The following TBC1D16 variants were observed in gnomAD, a reference collection of about 807,000 sequenced individuals.
TBC1D16 encodes TBC1 domain family member 16.
TBC1D16 carries 58 observed loss-of-function variants against 74.7 expected under a neutral mutation model. That is an observed-to-expected ratio of 0.78 (90% CI 0.63 to 0.97). The LOEUF (loss-of-function observed/expected upper bound fraction) is 0.97. Ranked by LOEUF, TBC1D16 falls within the 50% of genes least tolerant of loss-of-function variation. The probability of loss-of-function intolerance (pLI) is 0.00; values close to 1 mark genes in which losing one functional copy is unlikely to be tolerated. For synonymous variants in TBC1D16, 493 were observed against 474.7 expected, an observed-to-expected ratio of 1.04 and a Z score of -0.50; for missense variants, 1,014 against 1,079.5, an observed-to-expected ratio of 0.94 and a Z score of 0.85.
At chr17:80,016,863 C>T (rs889775724) in intron 1 of TBC1D16, among the ~76,000 whole-genome samples, 6 of 152,222 alleles carry the variant, frequency 3.9e-5, no homozygotes, top group Non-Finnish European at 7.3e-5. Flanking sequence ...CCAGCCAGCC[C>T]AGGAGTGGCC....
Position 79,986,773 on chromosome 17 carries a change from G to T in TBC1D16, c.779+23387C>A, listed in dbSNP as rs1474020070. Among the ~76,000 whole-genome samples, 13 of 152,180 alleles carry T rather than the reference G, an allele frequency of 8.5e-5. No homozygotes were observed. Among genetic ancestry groups the T allele is most frequent in the Admixed American group, 8.5e-4 (13 of 15,276 alleles). On this transcript the variant is annotated intron_variant, in intron 3 of 11. Coordinates refer to ENST00000310924, the MANE Select transcript of TBC1D16 (RefSeq NM_019020.4). The surrounding 1 kb of genome is among the most constrained non-coding windows in gnomAD (Gnocchi z 6.0). ...CTCTACACACCCGGCCCTCCTCAGA[G>T]CCTCAGCCCGCAGCGGGAGATGACA...
At chr17:79,957,002 G>C (rs1226157511) in intron 3 of TBC1D16, among the ~76,000 whole-genome samples, 2 of 152,180 alleles carry the variant, frequency 1.3e-5, no homozygotes, top group African/African-American at 4.8e-5. Context: ...CCCTCCAGGG[G>C]ACCAGTCTTC....
At chr17:79,970,054 C>G (rs1403182556) in intron 3 of TBC1D16, among the ~76,000 whole-genome samples, 1 of 152,096 alleles carries the variant, frequency 6.6e-6, no homozygotes, top group Non-Finnish European at 1.5e-5. Context: ...CAACTGATGA[C>G]CAGATAAGGA....
intron 8 of TBC1D16, 140 bp from the exon 9 acceptor site, chr17:79,947,971 A>C: frequency 1.4e-6 from 1 of 701,618 alleles, no homozygotes; most frequent in Non-Finnish European, 2.4e-6. Context: ...CCACCATCTC[A>C]GAGCCCAAGC....
chr17:79,999,270 T>G (rs1359839299), intron 3 of TBC1D16, among the ~76,000 whole-genome samples: 3 of 150,610 alleles, frequency 2.0e-5, no homozygotes, highest in Non-Finnish European at 4.4e-5. Context: ...AAAAAAAAAA[T>G]TAATGGAACA....
intron 3 of TBC1D16, among the ~76,000 whole-genome samples, chr17:80,002,793 G>A (rs1226408443): frequency 6.6e-6 from 1 of 152,230 alleles, no homozygotes; most frequent in African/African-American, 2.4e-5. Context: ...AGGGCGTGGT[G>A]GCCACACACA....
Position 79,950,511 on chromosome 17 carries a change from G to A in TBC1D16, c.1157C>T (p.Thr386Met), listed in dbSNP as rs1347062182. 14 of 1,613,438 alleles carry A rather than the reference G, an allele frequency of 8.7e-6. No homozygotes were observed. Among genetic ancestry groups the A allele is most frequent in the Non-Finnish European group, 1.1e-5 (13 of 1,179,930 alleles). ...CTTGTACATGCTCTCCTCGGGGTGC[G>A]TCTCGGAGGACGGCAGCTTGGGGCG... ...IRRPKLPSSE[T>M]HPEESMYKRL... is the part of the protein sequence containing the mutation. The change falls in exon 6 of 12, where the codon ACG becomes ATG. Residue 386 changes from threonine (T) to methionine (M), a missense_variant. Physicochemically the swap from Thr to Met is moderately conservative, Grantham distance 81. Coordinates refer to ENST00000310924, the MANE Select transcript of TBC1D16 (RefSeq NM_019020.4). The surrounding 1 kb of genome is among the most constrained non-coding windows in gnomAD (Gnocchi z 4.6).
At chr17:79,991,870 T>TCTTCACAGAGGCTC (rs2035075724) in intron 3 of TBC1D16, 1 of 133,760 alleles carries the variant, frequency 7.5e-6, no homozygotes. Flanking sequence ...GGTGCCGCCA[T>TCTTCACAGAGGCTC]CTTCACAGAG....
rs2033328472 is a variant in TBC1D16 at position 79,956,221 on chromosome 17, C to T, written c.780-3403G>A. ...CAGCCTGTCCCAGCCCAGCCCAAAC[C>T]AAAGGTCTGTGAGCAAAGAAGCGGT... is the stretch of plus-strand genomic sequence containing the variant. On this transcript the variant is annotated intron_variant, in intron 3 of 11. Transcript: ENST00000310924. This position sits in a 1 kb window ranked among gnomAD's most constrained non-coding sequence, Gnocchi z 4.0. Among the ~76,000 whole-genome samples, 1 of 152,192 alleles carries T rather than the reference C, an allele frequency of 6.6e-6. No individual in the cohort carries two copies.
At position 79,950,389 on chromosome 17, in the gene TBC1D16, G is replaced by T. The variant is rs1225050307; in HGVS notation, c.1257+22C>A. The T allele has an allele frequency of 6.3e-7, 1 of 1,583,998 alleles. No individual in the cohort carries two copies. The highest frequency in any genetic ancestry group is 8.6e-7 in the Non-Finnish European group (1 of 1,165,578). ...TCCCGGCCGGCTCTCCGCGGGGCCA[G>T]CTGGGCGGACCCGGACCTCACCTTC... On this transcript the variant is annotated intron_variant, in intron 6 of 11. Transcript: ENST00000310924. The surrounding 1 kb of genome is among the most constrained non-coding windows in gnomAD (Gnocchi z 4.6).
chr17:79,951,530 A>C lies in TBC1D16; in HGVS notation c.1009T>G (p.Phe337Val). 1 of 1,614,022 alleles carries C rather than the reference A, an allele frequency of 6.2e-7. No individual in the cohort carries two copies. The highest frequency in any genetic ancestry group is 8.5e-7 in the Non-Finnish European group (1 of 1,179,954). Residue 337 changes from phenylalanine to valine, a missense_variant, in exon 5 of 12, where the codon TTC becomes GTC. Physicochemically the swap from Phe to Val is conservative, Grantham distance 50 (BLOSUM62 -1). Transcript: ENST00000310924. Reference sequence around the variant, plus strand: ...AGCTTGTCCAGGCCGCCGTGGTGGAAGTGGAAAACCTTGTACTGGCTCTCT... The same window carrying C: ...AGCTTGTCCAGGCCGCCGTGGTGGACGTGGAAAACCTTGTACTGGCTCTCT... ...SRESQYKVFH[F>V]HHGGLDKLSD...
chr17:79,940,503 C>T lies in TBC1D16; in HGVS notation c.*356G>A, dbSNP rs1401649816. On this transcript the variant is annotated 3_prime_UTR_variant, in exon 12 of 12. Coordinates refer to ENST00000310924, the MANE Select transcript of TBC1D16 (RefSeq NM_019020.4). This position sits in a 1 kb window ranked among gnomAD's most constrained non-coding sequence, Gnocchi z 5.4. Reference sequence around the variant, plus strand: ...TCTCCTGTCTCTGCTTTCCTCATTGCCTGGCGACGCTGTCTGGCTGCCCTC... The same window carrying T: ...TCTCCTGTCTCTGCTTTCCTCATTGTCTGGCGACGCTGTCTGGCTGCCCTC... 1.0e-5 allele frequency: 2 copies of T among 191,546 alleles called. No individual in the cohort carries two copies. The highest frequency in any genetic ancestry group is 2.1e-5 in the Non-Finnish European group (2 of 93,970). The allele number at this position is 191,546 out of a possible 1,614,324, so 11.9% of individuals were successfully genotyped here. A position where few individuals can be genotyped will look rare whatever the true frequency, so the allele number is the denominator to read the frequency against.
intron 1 of TBC1D16, among the ~76,000 whole-genome samples, chr17:80,015,565 G>A (rs1253330274): frequency 6.6e-6 from 1 of 152,250 alleles, no homozygotes; most frequent in African/African-American, 2.4e-5. Flanking sequence ...AAAGTCTGCA[G>A]AGGTCAGGGG....
At chr17:79,970,239 TAG>T (rs2034023260) in intron 3 of TBC1D16, among the ~76,000 whole-genome samples, 1 of 152,098 alleles carries the variant, frequency 6.6e-6, no homozygotes, top group Admixed American at 6.6e-5. Flanking sequence ...GGTAAATCCA[TAG>T]AGACAGACAG....
rs981019282 is a variant in TBC1D16 at position 79,956,756 on chromosome 17, C to T, written c.780-3938G>A. Among the ~76,000 whole-genome samples the T allele has an allele frequency of 6.6e-6, 1 of 152,222 alleles. No homozygotes were observed. The highest frequency in any genetic ancestry group is 1.5e-5 in the Non-Finnish European group (1 of 68,046). ...ACCTAAACTGCTAAATTTCCTCTTG[C>T]TTTTCTTCATCCTGAGCCTTTTAAG... On this transcript the variant is annotated intron_variant, in intron 3 of 11. Transcript: ENST00000310924. This position sits in a 1 kb window ranked among gnomAD's most constrained non-coding sequence, Gnocchi z 4.0.
In TBC1D16 at chr17:79,994,517, G is replaced by C. The variant is rs929104556; in HGVS notation, c.779+15643C>G. The stretch of plus-strand genomic sequence containing the variant: ...CAGCTCACTGCAACCTCTGCCTCCT[G>C]GGTTCAAGCAATTCTCCTGTCTCAG... On this transcript the variant is annotated intron_variant, in intron 3 of 11. Coordinates refer to ENST00000310924, the MANE Select transcript of TBC1D16 (RefSeq NM_019020.4). This position sits in a 1 kb window ranked among gnomAD's most constrained non-coding sequence, Gnocchi z 4.6. Among the ~76,000 whole-genome samples the C allele has an allele frequency of 2.4e-4, 37 of 152,154 alleles. No individual in the cohort carries two copies. The highest frequency in any genetic ancestry group is 8.7e-4 in the African/African-American group (36 of 41,424).
intron 3 of TBC1D16, among the ~76,000 whole-genome samples, chr17:79,969,864 C>A (rs2034004348): frequency 6.6e-6 from 1 of 152,300 alleles, no homozygotes. Flanking sequence ...ATCGCTTGAA[C>A]CCGGGAGGCG....
chr17:79,969,659 G>C (rs1237820515), intron 3 of TBC1D16, among the ~76,000 whole-genome samples: 4 of 151,900 alleles, frequency 2.6e-5, no homozygotes, highest in Non-Finnish European at 5.9e-5. Flanking sequence ...ATAGAAAATA[G>C]GGCCGGGCAC....
At chr17:79,958,989 G>GA (rs538730203) in intron 3 of TBC1D16, among the ~76,000 whole-genome samples, 2 of 152,180 alleles carry the variant, frequency 1.3e-5, no homozygotes, top group African/African-American at 2.4e-5. Context: ...CTGTTCATCT[G>GA]AAAAACCTCA....
Sources: gnomAD v4.1 joint callset for allele counts (sites outside exome capture counted in the v4.1 genomes callset) on GRCh38, gnomAD v4.1.1 for gene constraint, Gnocchi (gnomAD v3.1) non-coding constraint, MANE v1.5 for transcripts, NCBI Gene and HGNC (gene_info 2026-07-23, HGNC 2026-07-21) for gene names.